Variants in PRKCA observed in about 807,000 individuals in gnomAD.
PRKCA encodes the protein protein kinase C alpha type.
Under a neutral mutation model 87.0 loss-of-function variants are expected in PRKCA, and 27 were observed. The observed-to-expected ratio is 0.31, with a 90% CI of 0.23 to 0.43. The LOEUF (loss-of-function observed/expected upper bound fraction) is 0.43. PRKCA is among the 20% of genes least tolerant of loss of function. PRKCA has a pLI of 1.00. For synonymous variants in PRKCA, 329 were observed against 311.1 expected (o/e 1.06, Z -0.61); for missense variants, 518 against 852.3 (o/e 0.61, Z 4.88).
At chr17:66,794,876 G>A (rs538782096) in intron 16 of PRKCA, among the ~76,000 whole-genome samples, 13 of 151,992 alleles carry the variant, frequency 8.6e-5, no homozygotes, top group Admixed American at 5.9e-4. Flanking sequence ...TGACTGCCTC[G>A]GCCTCCCAAA....
chr17:66,518,668 A>G (rs1967053025), intron 3 of PRKCA, among the ~76,000 whole-genome samples: 1 of 152,206 alleles, frequency 6.6e-6, no homozygotes, highest in African/African-American at 2.4e-5. Flanking sequence ...CCTATTAGAC[A>G]TTTAAAAATA....
chr17:66,781,887 A>AGTGTGTGTGT (rs749824745), intron 14 of PRKCA, among the ~76,000 whole-genome samples: 2 of 125,544 alleles, frequency 1.6e-5, no homozygotes, highest in East Asian at 2.3e-4. Flanking sequence ...ATATATATAT[A>AGTGTGTGTGT]GTGTGTGTGT....
intron 3 of PRKCA, among the ~76,000 whole-genome samples, chr17:66,512,165 G>A (rs777698549): frequency 6.6e-6 from 1 of 152,034 alleles, no homozygotes; most frequent in Non-Finnish European, 1.5e-5. Flanking sequence ...TTAATATCAG[G>A]CAGATCAAAT....
intron 2 of PRKCA, among the ~76,000 whole-genome samples, chr17:66,475,523 C>T (rs1444750161): frequency 2.0e-5 from 3 of 152,106 alleles, no homozygotes; most frequent in African/African-American, 7.2e-5. Flanking sequence ...CTAATTTAGC[C>T]ATGCAGGATG....
intron 3 of PRKCA, among the ~76,000 whole-genome samples, chr17:66,640,323 C>A (rs749820458): frequency 6.6e-6 from 1 of 152,148 alleles, no homozygotes; most frequent in South Asian, 2.1e-4. Context: ...TATCATTTTT[C>A]TTCCCTATCC....
chr17:66,436,073 C>T (rs183770222), intron 2 of PRKCA, among the ~76,000 whole-genome samples: 1 of 152,138 alleles, frequency 6.6e-6, no homozygotes, highest in East Asian at 1.9e-4. Flanking sequence ...AGGGGGGTCC[C>T]ATTTTCAGGC....
intron 2 of PRKCA, among the ~76,000 whole-genome samples, chr17:66,332,088 T>C (rs768037661): frequency 2.0e-5 from 3 of 152,084 alleles, no homozygotes; most frequent in African/African-American, 4.8e-5. Flanking sequence ...GAAAACAACT[T>C]TTACCCCATT....
chr17:66,309,043 G>A (rs9901804), intron 2 of PRKCA, among the ~76,000 whole-genome samples: 20,185 of 152,070 alleles, frequency 0.13, 1,428 homozygotes, highest in South Asian at 0.23. Flanking sequence ...ATTTTTACCC[G>A]ATGAGGCAGT....
chr17:66,429,980 C>T (rs1030662118), intron 2 of PRKCA, among the ~76,000 whole-genome samples: 1 of 152,036 alleles, frequency 6.6e-6, no homozygotes, highest in Admixed American at 6.5e-5. Flanking sequence ...TGATAGAATA[C>T]TGCTTTTCTC....
intron 3 of PRKCA, among the ~76,000 whole-genome samples, chr17:66,502,356 T>G (rs1916772771): frequency 6.6e-6 from 1 of 151,712 alleles, no homozygotes; most frequent in African/African-American, 2.4e-5. Context: ...TGTCTCAGTC[T>G]CCTGAGTAGC....
chr17:66,765,763 A>G (rs913223921), intron 13 of PRKCA, among the ~76,000 whole-genome samples: 7 of 152,092 alleles, frequency 4.6e-5, no homozygotes, highest in African/African-American at 1.4e-4. Context: ...AGTCGTGTGT[A>G]TCTGAATGTT....
intron 8 of PRKCA, among the ~76,000 whole-genome samples, chr17:66,695,729 A>C (rs529819994): frequency 2.0e-5 from 3 of 152,336 alleles, no homozygotes; most frequent in African/African-American, 7.2e-5. Flanking sequence ...AAAGCCAAAA[A>C]GAAACTTGTA....
chr17:66,734,632 G>A lies in PRKCA; in HGVS notation c.1057-857G>A, dbSNP rs1973980852. On this transcript the variant is annotated intron_variant, in intron 9 of 16. Coordinates refer to ENST00000413366, the MANE Select transcript of PRKCA (RefSeq NM_002737.3). ...AGGGTCTTTCTGACCTGTGTCTTGT[G>A]ATACTAGCCCTGCTGACCTCCTATC... Among the ~76,000 whole-genome samples the A allele has an allele frequency of 2.0e-5, 3 of 152,166 alleles. No individual in the cohort carries two copies. The South Asian group carries it at 6.2e-4, about 32-fold the overall frequency.
intron 14 of PRKCA, among the ~76,000 whole-genome samples, chr17:66,776,555 G>A (rs944101768): frequency 6.6e-6 from 1 of 152,036 alleles, no homozygotes; most frequent in South Asian, 2.1e-4. Context: ...TGATCCACCC[G>A]CCTCAGCCTC....
intron 2 of PRKCA, among the ~76,000 whole-genome samples, chr17:66,366,808 C>T (rs1908755699): frequency 6.6e-6 from 1 of 152,152 alleles, no homozygotes; most frequent in Non-Finnish European, 1.5e-5. Context: ...ATTATTGACT[C>T]AATATGATTT....
chr17:66,473,365 C>T (rs1025945098), intron 2 of PRKCA, among the ~76,000 whole-genome samples: 3 of 152,174 alleles, frequency 2.0e-5, no homozygotes, highest in Non-Finnish European at 4.4e-5. Context: ...ATGAAACACT[C>T]TCCTACCCAT....
At chr17:66,557,920 C>A (rs1412680987) in intron 3 of PRKCA, among the ~76,000 whole-genome samples, 1 of 152,184 alleles carries the variant, frequency 6.6e-6, no homozygotes, top group Non-Finnish European at 1.5e-5. Flanking sequence ...CTCCCAGGCC[C>A]CAGTTCTGCA....
intron 13 of PRKCA, among the ~76,000 whole-genome samples, chr17:66,747,144 C>T (rs765549625): frequency 3.3e-5 from 5 of 152,156 alleles, no homozygotes; most frequent in African/African-American, 1.2e-4. Flanking sequence ...ATCATAGCTC[C>T]ATGCAGTCTC....
intron 3 of PRKCA, among the ~76,000 whole-genome samples, chr17:66,516,469 C>T (rs937045103): frequency 6.6e-6 from 1 of 151,958 alleles, no homozygotes; most frequent in Non-Finnish European, 1.5e-5. Context: ...CCCGTCTCTA[C>T]TAAAAATACA....
Sources: gnomAD v4.1 joint callset for allele counts (sites outside exome capture counted in the v4.1 genomes callset) on GRCh38, gnomAD v4.1.1 for gene constraint, MANE v1.5 for transcripts, NCBI Gene and HGNC (gene_info 2026-07-23, HGNC 2026-07-21) for gene names.